The following WWOX variants were observed in gnomAD, a reference collection of about 807,000 sequenced individuals.
WWOX encodes WW domain-containing oxidoreductase.
Under a neutral mutation model 46.2 loss-of-function variants are expected in WWOX, and 69 were observed. The ratio of observed to expected loss-of-function variants is 1.49; its 90% CI spans 1.23 to 1.82. The LOEUF (loss-of-function observed/expected upper bound fraction) is 1.82. Among genes scored for constraint, WWOX ranks in the 40% most tolerant of loss-of-function variants. WWOX has a pLI of 0.00. For missense variants in WWOX, 919 were observed against 542.6 expected (o/e 1.69, Z -6.89); for synonymous variants, 359 against 202.6 (o/e 1.77, Z -6.56).
intron 5 of WWOX, among the ~76,000 whole-genome samples, chr16:78,307,765 A>T (rs1449808629): frequency 6.7e-6 from 1 of 149,884 alleles, no homozygotes. Context: ...CTGGACCCTT[A>T]ATATTCCTTT....
chr16:78,153,573 C>T (rs2034493361), intron 4 of WWOX, among the ~76,000 whole-genome samples: 2 of 151,926 alleles, frequency 1.3e-5, no homozygotes, highest in African/African-American at 4.8e-5. Flanking sequence ...TTGATTGGTT[C>T]CTAAAGATCG....
At chr16:79,024,413 C>T (rs953840322) in intron 8 of WWOX, among the ~76,000 whole-genome samples, 2 of 152,056 alleles carry the variant, frequency 1.3e-5, no homozygotes, top group African/African-American at 2.4e-5. Context: ...TGCGTGCTAC[C>T]GTGCCCAGCT....
At chr16:78,474,067 T>G (rs1343755267) in intron 8 of WWOX, among the ~76,000 whole-genome samples, 1 of 152,212 alleles carries the variant, frequency 6.6e-6, no homozygotes, top group Non-Finnish European at 1.5e-5. Flanking sequence ...GAAGTGACAT[T>G]GAGGACGTCT....
At chr16:78,273,000 TTTTG>T (rs774718727) in intron 5 of WWOX, among the ~76,000 whole-genome samples, 2 of 152,114 alleles carry the variant, frequency 1.3e-5, no homozygotes, top group Non-Finnish European at 2.9e-5. Flanking sequence ...TTACAGGGAT[TTTTG>T]TTTGTTTATT....
At chr16:79,024,840 G>T (rs1188624692) in intron 8 of WWOX, among the ~76,000 whole-genome samples, 1 of 152,196 alleles carries the variant, frequency 6.6e-6, no homozygotes, top group Non-Finnish European at 1.5e-5. Context: ...AAAGTGCTGG[G>T]ATTACAGGCG....
chr16:78,756,018 C>G (rs1194352781), intron 8 of WWOX, among the ~76,000 whole-genome samples: 2 of 152,120 alleles, frequency 1.3e-5, no homozygotes, highest in Non-Finnish European at 2.9e-5. Flanking sequence ...CTCTTGGAGA[C>G]AAGGCCTCAT....
chr16:78,488,049 G>T (rs767743777), intron 8 of WWOX, among the ~76,000 whole-genome samples: 4 of 152,170 alleles, frequency 2.6e-5, no homozygotes, highest in Admixed American at 1.3e-4. Flanking sequence ...TCTCTCTCAG[G>T]CTGTTACTTG....
chr16:78,418,037 A>G (rs139819242), intron 6 of WWOX, among the ~76,000 whole-genome samples: 130 of 152,334 alleles, frequency 8.5e-4, no homozygotes, highest in African/African-American at 3.1e-3. Context: ...TAGTTAAAAA[A>G]TTAATGAGTG....
At chr16:79,095,983 G>A (rs1336703619) in intron 8 of WWOX, among the ~76,000 whole-genome samples, 1 of 146,042 alleles carries the variant, frequency 6.8e-6, no homozygotes, top group African/African-American at 2.6e-5. Flanking sequence ...CCTAGTAGCT[G>A]GGACTACAGG....
At chr16:78,888,221 G>T (rs753163075) in intron 8 of WWOX, among the ~76,000 whole-genome samples, 42 of 152,162 alleles carry the variant, frequency 2.8e-4, no homozygotes, top group Non-Finnish European at 5.1e-4. Context: ...CCAAGGTGTT[G>T]GGCAACTGGG....
intron 8 of WWOX, among the ~76,000 whole-genome samples, chr16:79,152,104 C>G (rs1007209534): frequency 2.0e-5 from 3 of 152,162 alleles, no homozygotes; most frequent in African/African-American, 7.2e-5. Context: ...AGAAGTTTAT[C>G]CTCTACTTTT....
intron 8 of WWOX, among the ~76,000 whole-genome samples, chr16:78,863,883 A>G (rs1475227182): frequency 6.6e-6 from 1 of 152,098 alleles, no homozygotes; most frequent in East Asian, 1.9e-4. Flanking sequence ...GGCCTCCTCC[A>G]CTTAGCATCG....
At chr16:79,127,242 C>G (rs908001384) in intron 8 of WWOX, among the ~76,000 whole-genome samples, 2 of 152,102 alleles carry the variant, frequency 1.3e-5, no homozygotes, top group African/African-American at 4.8e-5. Flanking sequence ...AAATCTCCCT[C>G]TACCCCTTTC....
intron 4 of WWOX, chr16:78,130,014 A>T (rs1018877871): frequency 1.3e-5 from 2 of 151,964 alleles, no homozygotes; most frequent in African/African-American, 2.4e-5. Context: ...ATGAGATCTG[A>T]TGGTTTTATA....
At chr16:78,526,947 C>T (rs1186722607) in intron 8 of WWOX, among the ~76,000 whole-genome samples, 1 of 152,122 alleles carries the variant, frequency 6.6e-6, no homozygotes. Flanking sequence ...GGTGGATCAC[C>T]TGAGGTCAGG....
At chr16:78,426,266 A>T (rs775598809) in intron 7 of WWOX, among the ~76,000 whole-genome samples, 28 of 152,326 alleles carry the variant, frequency 1.8e-4, no homozygotes, top group Non-Finnish European at 3.5e-4. Flanking sequence ...CTGTGGGGGC[A>T]GGCAGCAGAG....
chr16:78,464,426 C>T (rs78749096), intron 8 of WWOX, among the ~76,000 whole-genome samples: 4 of 152,012 alleles, frequency 2.6e-5, no homozygotes, highest in Admixed American at 1.3e-4. Context: ...GTTAATGCTC[C>T]GTTTCTAGTA....
chr16:78,394,185 C>T (rs1333727882), intron 6 of WWOX, among the ~76,000 whole-genome samples: 4 of 152,154 alleles, frequency 2.6e-5, no homozygotes, highest in Non-Finnish European at 5.9e-5. Flanking sequence ...AACATATCTG[C>T]ATTACTCTTG....
At chr16:78,920,071 A>G (rs1045181950) in intron 8 of WWOX, among the ~76,000 whole-genome samples, 16 of 152,126 alleles carry the variant, frequency 1.1e-4, no homozygotes, top group Non-Finnish European at 2.1e-4. Flanking sequence ...CGACCCCACC[A>G]TGCCATAGCT....
Sources: allele counts gnomAD v4.1 joint callset (sites outside exome capture counted in the v4.1 genomes callset), GRCh38; gene constraint gnomAD v4.1.1; transcripts MANE v1.5; gene names NCBI Gene and HGNC (gene_info 2026-07-23, HGNC 2026-07-21).